CDK5RAP1: variants seen among roughly 807,000 people sequenced by gnomAD.
The protein encoded by CDK5RAP1 is mitochondrial tRNA methylthiotransferase CDK5RAP1.
A neutral mutation model predicts 64.5 loss-of-function variants in CDK5RAP1; 62 were observed. The observed-to-expected ratio is 0.96, with a 90% CI of 0.78 to 1.19. The LOEUF (loss-of-function observed/expected upper bound fraction) is 1.19, where lower values mean the gene tolerates loss of function less well. CDK5RAP1 is among the 50% of genes most tolerant of loss of function. The pLI, the probability that CDK5RAP1 is intolerant of heterozygous loss-of-function variation, is 0.00. For missense variants in CDK5RAP1, 657 were observed against 735.0 expected (o/e 0.89, Z 1.23); for synonymous variants, 250 against 261.9 (o/e 0.95, Z 0.44).
chr20:33,378,770 G>C (rs1986354731), intron 8 of CDK5RAP1, among the ~76,000 whole-genome samples: 1 of 152,116 alleles, frequency 6.6e-6, no homozygotes, highest in African/African-American at 2.4e-5. Flanking sequence ...GAAAGTCTGG[G>C]CTGTTTCCCA....
Position 33,392,113 on chromosome 20 carries a change from G to A in CDK5RAP1, c.544+29C>T, listed in dbSNP as rs376239555. ...AGCCACATAAAGTCCAAGTTTCAAAGCTGACAAAATGTGCAAATTACCAGA... is the reference window on the plus strand; with the variant it reads ...AGCCACATAAAGTCCAAGTTTCAAAACTGACAAAATGTGCAAATTACCAGA... On this transcript the variant is annotated intron_variant, in intron 5 of 13. Transcript: ENST00000346416. 325 of 1,410,116 alleles carry A rather than the reference G, an allele frequency of 2.3e-4. 4 individuals are homozygous for A. The highest frequency in any genetic ancestry group is 1.2e-3 in the Middle Eastern group (7 of 5,668). The allele number at this position is 1,410,116 out of a possible 1,614,324, so 87.4% of individuals were successfully genotyped here.
intron 12 of CDK5RAP1, among the ~76,000 whole-genome samples, chr20:33,364,578 C>CT (rs1185157064): frequency 6.0e-5 from 9 of 150,308 alleles, no homozygotes; most frequent in Admixed American, 3.3e-4. Context: ...TATTTTTTGG[C>CT]TTTTTTTTTG....
intron 4 of CDK5RAP1, 61 bp from the exon 5 acceptor site, chr20:33,392,303 G>T: frequency 1.0e-6 from 1 of 991,956 alleles, no homozygotes; most frequent in Non-Finnish European, 1.5e-6. Flanking sequence ...ATCTAAGAGA[G>T]TAGGTCAGTG....
chr20:33,380,868 G>A (rs1355596345), intron 7 of CDK5RAP1, among the ~76,000 whole-genome samples: 1 of 152,044 alleles, frequency 6.6e-6, no homozygotes, highest in African/African-American at 2.4e-5. Context: ...TGGGCGTGGT[G>A]GCAGGCACCT....
At chr20:33,394,004 C>T (rs369438783) in intron 4 of CDK5RAP1, 28 bp downstream of exon 4, 2 of 1,503,794 alleles carry the variant, frequency 1.3e-6, no homozygotes, top group South Asian at 2.3e-5. Context: ...AAAATACATT[C>T]ACTCCTAGGA....
intron 5 of CDK5RAP1, among the ~76,000 whole-genome samples, chr20:33,388,712 T>C (rs866022106): frequency 1.3e-5 from 2 of 151,984 alleles, no homozygotes; most frequent in African/African-American, 4.8e-5. Flanking sequence ...CTCTGCTCAC[T>C]GCAACCTCCC....
At chr20:33,380,537 T>C (rs759976694) in intron 7 of CDK5RAP1, among the ~76,000 whole-genome samples, 1 of 152,192 alleles carries the variant, frequency 6.6e-6, no homozygotes, top group Non-Finnish European at 1.5e-5. Context: ...GAAAAATTGT[T>C]ACTCATAGAA....
intron 2 of CDK5RAP1, among the ~76,000 whole-genome samples, chr20:33,395,868 G>T (rs1300539702): frequency 2.6e-5 from 4 of 151,960 alleles, no homozygotes; most frequent in African/African-American, 9.7e-5. Context: ...ACAAAAATCA[G>T]CCAGGTGTGG....
intron 5 of CDK5RAP1, among the ~76,000 whole-genome samples, chr20:33,387,822 T>G (rs1987652435): frequency 6.6e-6 from 1 of 151,952 alleles, no homozygotes; most frequent in African/African-American, 2.4e-5. Flanking sequence ...ATCCCCACAC[T>G]TTGGGGGGCC....
chr20:33,377,536 G>A (rs1208677235), intron 8 of CDK5RAP1, among the ~76,000 whole-genome samples: 1 of 152,190 alleles, frequency 6.6e-6, no homozygotes, highest in Middle Eastern at 3.2e-3. Context: ...CCTTGCTCTG[G>A]ATTAGGCTTT....
At chr20:33,369,750 T>TA (rs1302008435) in intron 11 of CDK5RAP1, among the ~76,000 whole-genome samples, 2 of 151,872 alleles carry the variant, frequency 1.3e-5, no homozygotes, top group Non-Finnish European at 2.9e-5. Context: ...TACTGCCTCT[T>TA]AAAAAAACAA....
chr20:33,374,433 G>A (rs1985638011), intron 8 of CDK5RAP1, among the ~76,000 whole-genome samples: 1 of 148,044 alleles, frequency 6.8e-6, no homozygotes, highest in Non-Finnish European at 1.5e-5. Context: ...TCAAAGAGTA[G>A]AGAGAAGAAA....
chr20:33,380,789 G>A (rs940057194), intron 7 of CDK5RAP1, among the ~76,000 whole-genome samples: 3 of 152,088 alleles, frequency 2.0e-5, no homozygotes, highest in Non-Finnish European at 2.9e-5. Context: ...GGATCACACG[G>A]TCAGGAGTTC....
At chr20:33,362,909 GA>G (rs1344555968) in intron 12 of CDK5RAP1, among the ~76,000 whole-genome samples, 1 of 152,184 alleles carries the variant, frequency 6.6e-6, no homozygotes, top group Non-Finnish European at 1.5e-5. Context: ...CCACTTTAGG[GA>G]AACAACCTTC....
chr20:33,359,107 G>A lies in CDK5RAP1; in HGVS notation c.1700C>T (p.Ser567Phe). 1.9e-6 allele frequency: 3 copies of A among 1,613,682 alleles called. No individual in the cohort carries two copies. Among genetic ancestry groups the A allele is most frequent in the Non-Finnish European group, 2.5e-6 (3 of 1,179,654 alleles). Residue 567 changes from serine to phenylalanine, a missense_variant, in exon 14 of 14, where the codon TCT (serine) becomes TTT (phenylalanine). Coordinates refer to ENST00000346416, the MANE Select transcript of CDK5RAP1 (RefSeq NM_016408.4). ...GAGAACATGTCCCCTAAGTGTCTGA[G>A]AACTGGCTGAGGTGATCTGAAAGAA... is the stretch of plus-strand genomic sequence containing the variant. Reference protein sequence around the residue: ...YVLVKITSASSQTLRGHVLCR... With the variant: ...YVLVKITSASFQTLRGHVLCR...
At chr20:33,377,039 C>T (rs1324390249) in intron 8 of CDK5RAP1, among the ~76,000 whole-genome samples, 3 of 152,104 alleles carry the variant, frequency 2.0e-5, no homozygotes, top group Non-Finnish European at 2.9e-5. Context: ...GCCTTGGCCC[C>T]TAACAAGAGA....
chr20:33,386,423 T>G (rs1286845333), intron 6 of CDK5RAP1, among the ~76,000 whole-genome samples: 1 of 152,156 alleles, frequency 6.6e-6, no homozygotes. Flanking sequence ...CTACTGTTTT[T>G]ATGAGTATAT....
At chr20:33,389,693 C>A (rs1988066501) in intron 5 of CDK5RAP1, among the ~76,000 whole-genome samples, 1 of 152,226 alleles carries the variant, frequency 6.6e-6, no homozygotes, top group Admixed American at 6.5e-5. Flanking sequence ...GCCGCCACCC[C>A]GTCTGGGAGG....
At position 33,397,338 on chromosome 20, in the gene CDK5RAP1, A is replaced by T. The variant is rs556191151; in HGVS notation, c.-20-254T>A. Among the ~76,000 whole-genome samples the T allele has an allele frequency of 5.9e-5, 9 of 152,330 alleles. No homozygotes were observed. The South Asian group carries it at 1.9e-3, about 32-fold the overall frequency. On this transcript the variant is annotated intron_variant, in intron 1 of 13. Transcript: ENST00000346416. ...ACAAGGGGTGGTAGAGATGAGATGG[A>T]AAGCCCTGACAAAATGACAAAATAG...
Sources: allele counts gnomAD v4.1 joint callset (sites outside exome capture counted in the v4.1 genomes callset), GRCh38; gene constraint gnomAD v4.1.1; transcripts MANE v1.5; gene names NCBI Gene and HGNC (gene_info 2026-07-23, HGNC 2026-07-21).